COXFA4L3: variants seen among roughly 807,000 people sequenced by gnomAD.
COXFA4L3 encodes cytochrome c oxidase associated subunit FA4L3.
the COXFA4L3 span, chr15:45,433,279 T>C: frequency 2.8e-6 from 1 of 360,836 alleles, no homozygotes; most frequent in Non-Finnish European, 5.3e-6. Flanking sequence ...TTCTTAAAAT[T>C]TACAAAGCTT....
the COXFA4L3 span, chr15:45,431,263 G>A: frequency 6.8e-6 from 3 of 439,820 alleles, no homozygotes; most frequent in South Asian, 5.9e-5. Context: ...TCTACCAATG[G>A]GTCAGAAAAT....
chr15:45,431,965 T>C, the COXFA4L3 span: 2 of 867,814 alleles, frequency 2.3e-6, no homozygotes, highest in Non-Finnish European at 3.7e-6. Context: ...AGCAGACACA[T>C]GCCTTAGTAT....
the COXFA4L3 span, chr15:45,432,154 A>G: frequency 2.5e-6 from 4 of 1,605,728 alleles, no homozygotes; most frequent in Non-Finnish European, 2.6e-6. Flanking sequence ...TTAAAAACAA[A>G]TGATTTATAT....
At chr15:45,432,045 T>C in the COXFA4L3 span, 6 of 1,603,446 alleles carry the variant, frequency 3.7e-6, no homozygotes, top group South Asian at 5.6e-5. Context: ...CATCTTTTAA[T>C]GTTTAATTGG....
chr15:45,432,103 G>A, the COXFA4L3 span: 1 of 1,613,572 alleles, frequency 6.2e-7, no homozygotes, highest in African/African-American at 1.3e-5. Flanking sequence ...AGAACCTTGG[G>A]AAACTGTGGA....
chr15:45,431,699 T>C, the COXFA4L3 span, among the ~76,000 whole-genome samples: 3 of 152,186 alleles, frequency 2.0e-5, no homozygotes, highest in African/African-American at 7.2e-5. Flanking sequence ...CCTAGAGCCC[T>C]GGAGTTCACC....
the COXFA4L3 span, chr15:45,431,157 AG>A: frequency 7.4e-7 from 1 of 1,347,754 alleles, no homozygotes; most frequent in Non-Finnish European, 1.0e-6. Context: ...GAAATGTATA[AG>A]TTTCCTATTT....
At chr15:45,431,135 C>G in the COXFA4L3 span, 8 of 1,500,210 alleles carry the variant, frequency 5.3e-6, no homozygotes, top group Admixed American at 1.5e-4. Context: ...GTTTGGATGA[C>G]TTTTAGTTTA....
chr15:45,432,572 C>T, the COXFA4L3 span, among the ~76,000 whole-genome samples: 6 of 152,188 alleles, frequency 3.9e-5, no homozygotes, highest in South Asian at 2.1e-4. Flanking sequence ...GGCTGAGGCA[C>T]GAAAATTGCT....
chr15:45,433,005 G>T, the COXFA4L3 span: 1 of 1,613,654 alleles, frequency 6.2e-7, no homozygotes, highest in African/African-American at 1.3e-5. Flanking sequence ...TGTCCAAAGG[G>T]TGACCAAATG....
chr15:45,432,156 G>A, the COXFA4L3 span: 1 of 1,604,972 alleles, frequency 6.2e-7, no homozygotes, highest in South Asian at 1.1e-5. Flanking sequence ...AAAAACAAAT[G>A]ATTTATATTT....
chr15:45,433,025 C>G, the COXFA4L3 span: 1 of 1,610,964 alleles, frequency 6.2e-7, no homozygotes, highest in Non-Finnish European at 8.5e-7. Flanking sequence ...GACGAGCCCT[C>G]GCCTCTTTCT....
the COXFA4L3 span, chr15:45,432,820 G>T: frequency 2.9e-6 from 2 of 687,386 alleles, no homozygotes; most frequent in East Asian, 5.4e-5. Context: ...GATATGGAAA[G>T]AGGTAGGTAC....
chr15:45,430,629 C>T, the COXFA4L3 span: 4 of 636,512 alleles, frequency 6.3e-6, no homozygotes, highest in African/African-American at 3.7e-5. Flanking sequence ...GCGTTACCAT[C>T]GTCCGTGCGC....
At chr15:45,430,722 G>C in the COXFA4L3 span, 5 of 1,457,728 alleles carry the variant, frequency 3.4e-6, no homozygotes, top group African/African-American at 2.8e-5. Context: ...CGCGGTGGAC[G>C]GTTTGGCGCC....
chr15:45,432,008 C>A, the COXFA4L3 span: 1 of 1,398,602 alleles, frequency 7.2e-7, no homozygotes, highest in Non-Finnish European at 1.0e-6. Flanking sequence ...TGTTTATAAA[C>A]CCAGTATCAG....
At chr15:45,431,175 CATGGATGAGA>C in the COXFA4L3 span, 1 of 1,144,254 alleles carries the variant, frequency 8.7e-7, no homozygotes, top group South Asian at 1.6e-5. Flanking sequence ...ATTTTTTTCC[CATGGATGAGA>C]ATGCCAAATT....
the COXFA4L3 span, chr15:45,433,072 C>G: frequency 6.7e-7 from 1 of 1,499,556 alleles, no homozygotes; most frequent in Non-Finnish European, 9.3e-7. Flanking sequence ...GGAAACATTT[C>G]TGCACAAACT....
the COXFA4L3 span, chr15:45,430,633 C>A: frequency 1.1e-5 from 7 of 643,194 alleles, no homozygotes; most frequent in Non-Finnish European, 1.4e-5. Context: ...TACCATCGTC[C>A]GTGCGCACCG....
Sources: gnomAD v4.1 joint callset for allele counts (sites outside exome capture counted in the v4.1 genomes callset) on GRCh38, gnomAD v4.1.1 for gene constraint, MANE v1.5 for transcripts, NCBI Gene and HGNC (gene_info 2026-07-23, HGNC 2026-07-21) for gene names.